Variants in PDE1C observed in about 807,000 individuals in gnomAD.
PDE1C encodes dual specificity calcium/calmodulin-dependent 3',5'-cyclic nucleotide phosphodiesterase 1C.
A neutral mutation model predicts 93.1 loss-of-function variants in PDE1C; 62 were observed. The ratio of observed to expected loss-of-function variants is 0.67; its 90% CI spans 0.54 to 0.82. The LOEUF is 0.82. Among genes scored for constraint, PDE1C ranks in the 40% least tolerant of loss-of-function variants. The pLI is 0.00. For missense variants in PDE1C, 742 were observed against 884.6 expected (o/e 0.84, Z 2.04); for synonymous variants, 325 against 310.1 (o/e 1.05, Z -0.50).
At chr7:32,404,853 G>C (rs913250638) in intron 1 of PDE1C, among the ~76,000 whole-genome samples, 1 of 152,208 alleles carries the variant, frequency 6.6e-6, no homozygotes, top group Non-Finnish European at 1.5e-5. Flanking sequence ...AACTGGCGTT[G>C]CACAGGCCTC....
At chr7:32,249,602 C>A (rs143845169) in intron 1 of PDE1C, among the ~76,000 whole-genome samples, 2 of 152,350 alleles carry the variant, frequency 1.3e-5, no homozygotes, top group Non-Finnish European at 2.9e-5. Flanking sequence ...TCCCACCACA[C>A]TGGCGACTAT....
chr7:31,945,470 T>C (rs1806491633), intron 2 of PDE1C, among the ~76,000 whole-genome samples: 1 of 152,150 alleles, frequency 6.6e-6, no homozygotes, highest in Admixed American at 6.5e-5. Context: ...TTCTCCTTCA[T>C]TTATGAAGGA....
the PDE1C span, among the ~76,000 whole-genome samples, chr7:31,663,427 CAA>C: frequency 6.6e-6 from 1 of 152,166 alleles, no homozygotes; most frequent in African/African-American, 2.4e-5. Flanking sequence ...TCCTCTGGCC[CAA>C]GAGAGAGAGT....
chr7:31,881,508 A>G (rs1414700164), intron 2 of PDE1C, among the ~76,000 whole-genome samples: 1 of 152,246 alleles, frequency 6.6e-6, no homozygotes, highest in Non-Finnish European at 1.5e-5. Context: ...TGTTATTTAT[A>G]TGAACATTAT....
intron 2 of PDE1C, among the ~76,000 whole-genome samples, chr7:31,975,961 C>T (rs1372568278): frequency 6.6e-6 from 1 of 152,174 alleles, no homozygotes; most frequent in East Asian, 1.9e-4. Flanking sequence ...TCAGTCTATC[C>T]CATGGTATCT....
chr7:32,198,828 A>G (rs1243708119), intron 2 of PDE1C, among the ~76,000 whole-genome samples: 1 of 152,198 alleles, frequency 6.6e-6, no homozygotes, highest in Non-Finnish European at 1.5e-5. Context: ...ATAGAAAAAA[A>G]GAAACTCAGC....
chr7:32,078,809 C>T (rs951827840), intron 3 of PDE1C, among the ~76,000 whole-genome samples: 1 of 151,716 alleles, frequency 6.6e-6, no homozygotes, highest in African/African-American at 2.4e-5. Flanking sequence ...CACCTGTGGC[C>T]CTGGCTACTA....
At chr7:31,809,727 G>A (rs530478104) in intron 15 of PDE1C, among the ~76,000 whole-genome samples, 32 of 152,162 alleles carry the variant, frequency 2.1e-4, no homozygotes, top group Admixed American at 2.0e-3. Flanking sequence ...TTAGAAACAC[G>A]TGAAAATATA....
In PDE1C at chr7:32,002,041, A is replaced by T. The variant is rs184907440; in HGVS notation, c.128+49513T>A. ...GCCACTACACTCCAGCCTGGGTGAC[A>T]GAGCAAGACTCTGTCTCAAAACAAC... On this transcript the variant is annotated intron_variant, in intron 2 of 17. Coordinates refer to ENST00000396191, the MANE Select transcript of PDE1C (RefSeq NM_001191057.4). Among the ~76,000 whole-genome samples the T allele has an allele frequency of 3.8e-3, 586 of 152,306 alleles. 3 individuals carry two copies. The highest frequency in any genetic ancestry group is 0.013 in the African/African-American group (549 of 41,554).
intron 2 of PDE1C, among the ~76,000 whole-genome samples, chr7:31,906,039 C>T (rs983617013): frequency 4.6e-5 from 7 of 152,182 alleles, no homozygotes; most frequent in African/African-American, 1.7e-4. Context: ...CCATGCTGAA[C>T]TGTGAGTCAA....
Position 32,392,886 on chromosome 7 carries a change from T to C in PDE1C, c.310+34936A>G, listed in dbSNP as rs185439851. ...CAACATGCAGAAACCCCGTCTCTAC[T>C]AAAAATACAAAAATTAGCCAGGCAT... On this transcript the variant is annotated intron_variant, in intron 1 of 1. Coordinates refer to the PDE1C transcript ENST00000672256. Among the ~76,000 whole-genome samples the C allele has an allele frequency of 3.6e-4, 54 of 151,518 alleles. No homozygotes were observed. The East Asian group carries it at 6.2e-3, about 17-fold the overall frequency.
intron 1 of PDE1C, among the ~76,000 whole-genome samples, chr7:32,280,231 C>A: frequency 6.6e-6 from 1 of 151,406 alleles, no homozygotes. Flanking sequence ...TGGTACTTAC[C>A]CAATAATTTT....
chr7:31,652,735 G>C, the PDE1C span: 4 of 1,613,924 alleles, frequency 2.5e-6, no homozygotes, highest in Non-Finnish European at 3.4e-6. Flanking sequence ...AACAGCACCA[G>C]GATGTCTCCT....
At chr7:32,240,881 G>C (rs890717437) in intron 1 of PDE1C, among the ~76,000 whole-genome samples, 1 of 152,202 alleles carries the variant, frequency 6.6e-6, no homozygotes, top group African/African-American at 2.4e-5. Context: ...TGGTCAAAAA[G>C]GAGAGCTGAA....
chr7:32,043,031 A>G (rs1792054504), intron 2 of PDE1C, among the ~76,000 whole-genome samples: 1 of 152,178 alleles, frequency 6.6e-6, no homozygotes, highest in Non-Finnish European at 1.5e-5. Flanking sequence ...AGTGGTTCTC[A>G]ACTAGAGGTG....
chr7:32,267,421 G>A (rs1266139610), intron 1 of PDE1C, among the ~76,000 whole-genome samples: 1 of 152,130 alleles, frequency 6.6e-6, no homozygotes, highest in Non-Finnish European at 1.5e-5. Flanking sequence ...GAAAAGAGGG[G>A]GCACGTCCAC....
At chr7:31,977,662 C>A (rs1222325253) in intron 2 of PDE1C, among the ~76,000 whole-genome samples, 1 of 152,164 alleles carries the variant, frequency 6.6e-6, no homozygotes, top group Non-Finnish European at 1.5e-5. Context: ...CTTAGTACAA[C>A]CTGATTTTAT....
At chr7:32,302,992 A>G (rs1054639969), upstream of PDE1C, among the ~76,000 whole-genome samples, 1 of 152,174 alleles carries the variant, frequency 6.6e-6, no homozygotes, top group African/African-American at 2.4e-5. Context: ...TCATATAATC[A>G]TTGGCTGCAG....
At chr7:31,704,589 T>C in the PDE1C span, among the ~76,000 whole-genome samples, 1 of 152,256 alleles carries the variant, frequency 6.6e-6, no homozygotes, top group Non-Finnish European at 1.5e-5. Flanking sequence ...AAGGATGTAT[T>C]GTCCAGTGAT....
Sources: gnomAD v4.1 joint callset for allele counts (sites outside exome capture counted in the v4.1 genomes callset) on GRCh38, gnomAD v4.1.1 for gene constraint, MANE v1.5 for transcripts, NCBI Gene and HGNC (gene_info 2026-07-23, HGNC 2026-07-21) for gene names.